Variants in NRG3 observed in about 807,000 individuals in gnomAD.
The protein encoded by NRG3 is neuregulin 3, also known as pro-neuregulin-3, membrane-bound isoform.
In NRG3, 31 loss-of-function variants were observed where a neutral mutation model predicts 66.9. That is an observed-to-expected ratio of 0.46 (90% CI 0.35 to 0.63). The LOEUF is 0.63. Ranked by LOEUF, NRG3 falls within the 20% of genes least tolerant of loss-of-function variation. The probability of loss-of-function intolerance (pLI) is 0.00; values close to 1 mark genes in which losing one functional copy is unlikely to be tolerated. For missense variants in NRG3, 910 were observed against 878.9 expected (o/e 1.04, Z -0.45); for synonymous variants, 393 against 359.4 (o/e 1.09, Z -1.06).
At chr10:82,570,948 C>A (rs1565082202) in intron 2 of NRG3, among the ~76,000 whole-genome samples, 1 of 151,608 alleles carries the variant, frequency 6.6e-6, no homozygotes, top group Non-Finnish European at 1.5e-5. Context: ...GTACTCAACA[C>A]ATTTTCAACT....
intron 4 of NRG3, among the ~76,000 whole-genome samples, chr10:82,922,748 G>A (rs150888350): frequency 4.0e-4 from 61 of 152,238 alleles, no homozygotes; most frequent in Non-Finnish European, 8.8e-5. Context: ...CAGAGGGCAT[G>A]TTACTTCTTT....
intron 1 of NRG3, among the ~76,000 whole-genome samples, chr10:82,290,832 A>G (rs1450783627): frequency 1.3e-5 from 2 of 148,768 alleles, no homozygotes; most frequent in Admixed American, 6.7e-5. Flanking sequence ...TTTAGTAGAG[A>G]CGGGGTTTCA....
intron 4 of NRG3, among the ~76,000 whole-genome samples, chr10:82,889,308 G>C (rs1208229990): frequency 6.6e-6 from 1 of 152,106 alleles, no homozygotes; most frequent in Non-Finnish European, 1.5e-5. Context: ...CGGATACCGG[G>C]TTTGAGAGAC....
chr10:82,408,277 A>G (rs1461839962), intron 2 of NRG3, among the ~76,000 whole-genome samples: 2 of 152,140 alleles, frequency 1.3e-5, no homozygotes, highest in African/African-American at 4.8e-5. Context: ...CAAAAAGAGT[A>G]TACATCGTGT....
At chr10:82,198,800 C>G (rs963240612) in intron 1 of NRG3, among the ~76,000 whole-genome samples, 50 of 152,000 alleles carry the variant, frequency 3.3e-4, no homozygotes, top group Admixed American at 3.2e-3. Flanking sequence ...AGTTCGAGAC[C>G]AGCCTGACCA....
chr10:82,906,628 A>C (rs1417222733), intron 4 of NRG3, among the ~76,000 whole-genome samples: 1 of 152,222 alleles, frequency 6.6e-6, no homozygotes, highest in Non-Finnish European at 1.5e-5. Context: ...ATTTAAATTA[A>C]AACATGTCCA....
intron 2 of NRG3, among the ~76,000 whole-genome samples, chr10:82,707,276 C>T (rs148083653): frequency 1.3e-5 from 2 of 148,152 alleles, no homozygotes; most frequent in Admixed American, 1.4e-4. Flanking sequence ...TCTAATGCCA[C>T]CACTGGCTGG....
intron 1 of NRG3, among the ~76,000 whole-genome samples, chr10:82,356,800 T>A (rs1192044894): frequency 6.6e-6 from 1 of 152,214 alleles, no homozygotes; most frequent in African/African-American, 2.4e-5. Context: ...AATGTTAAAT[T>A]ATACTTCACT....
At position 82,454,430 on chromosome 10, in the gene NRG3, A is replaced by G. The variant is rs185836434; in HGVS notation, c.953+95562A>G. On this transcript the variant is annotated intron_variant, in intron 2 of 8. Transcript: ENST00000372141. Reference sequence around the variant, plus strand: ...AAACAAAGAATGGAGAATATATGCTACACTCGTGTTCAAACAGTTAAAAAA... The same window carrying G: ...AAACAAAGAATGGAGAATATATGCTGCACTCGTGTTCAAACAGTTAAAAAA... Among the ~76,000 whole-genome samples the G allele has an allele frequency of 2.9e-3, 440 of 152,316 alleles. 2 individuals are homozygous for G. Among genetic ancestry groups the G allele is most frequent in the African/African-American group, 9.0e-3 (372 of 41,564 alleles).
At chr10:82,047,569 C>T (rs1466813169) in intron 1 of NRG3, among the ~76,000 whole-genome samples, 2 of 151,458 alleles carry the variant, frequency 1.3e-5, no homozygotes, top group African/African-American at 4.9e-5. Context: ...TTGTCACCAC[C>T]AGGCCTGCCC....
chr10:82,871,970 G>A (rs898928373), intron 4 of NRG3, among the ~76,000 whole-genome samples: 5 of 151,976 alleles, frequency 3.3e-5, no homozygotes, highest in African/African-American at 1.2e-4. Context: ...ATGAAAGGGG[G>A]CAACTTTGCC....
At chr10:82,939,720 C>T (rs548946680) in intron 4 of NRG3, among the ~76,000 whole-genome samples, 4 of 152,196 alleles carry the variant, frequency 2.6e-5, no homozygotes, top group Admixed American at 1.3e-4. Context: ...CCACCCGCCT[C>T]GGCCTCCCGA....
chr10:82,082,784 G>A (rs879395301), intron 1 of NRG3, among the ~76,000 whole-genome samples: 8 of 152,094 alleles, frequency 5.3e-5, no homozygotes, highest in Non-Finnish European at 1.2e-4. Context: ...TCTGGTTGGA[G>A]GCCCTGGGTC....
chr10:82,548,521 T>TCA lies in NRG3; in HGVS notation c.953+189654_953+189655insAC, dbSNP rs762454289. Among the ~76,000 whole-genome samples, 1,051 of 108,478 alleles carry TCA rather than the reference T, an allele frequency of 9.7e-3. 6 individuals are homozygous for TCA. The highest frequency in any genetic ancestry group is 0.013 in the Non-Finnish European group (702 of 54,296). 71.2% of individuals were successfully genotyped at this position (108,478 alleles called of 152,430 possible). A position where few individuals can be genotyped will look rare whatever the true frequency, so the allele number is the denominator to read the frequency against. ...ACAAAATACACAAATACATTCTGTC[T>TCA]CTCACACACACACACACACACACAC... On this transcript the variant is annotated intron_variant, in intron 2 of 8. Transcript: ENST00000372141.
At chr10:82,479,974 A>T (rs1842124686) in intron 2 of NRG3, among the ~76,000 whole-genome samples, 1 of 152,182 alleles carries the variant, frequency 6.6e-6, no homozygotes, top group African/African-American at 2.4e-5. Context: ...TCTCAAAAAC[A>T]AAAACAAAAA....
chr10:82,082,905 G>A (rs1306466095), intron 1 of NRG3, among the ~76,000 whole-genome samples: 1 of 151,706 alleles, frequency 6.6e-6, no homozygotes, highest in African/African-American at 2.4e-5. Context: ...TTATTAGTCT[G>A]AACATGACCA....
chr10:82,438,655 T>A (rs914090617), intron 2 of NRG3, among the ~76,000 whole-genome samples: 3 of 152,210 alleles, frequency 2.0e-5, no homozygotes, highest in African/African-American at 7.2e-5. Context: ...TGCTAGGCCC[T>A]TGGTGGCATG....
At chr10:82,948,516 ATC>A (rs1564656183) in intron 4 of NRG3, among the ~76,000 whole-genome samples, 1 of 152,106 alleles carries the variant, frequency 6.6e-6, no homozygotes, top group African/African-American at 2.4e-5. Context: ...CAATCTGTCT[ATC>A]ATCTTGGGGA....
At chr10:82,752,101 T>A (rs2058890036) in intron 3 of NRG3, among the ~76,000 whole-genome samples, 1 of 152,202 alleles carries the variant, frequency 6.6e-6, no homozygotes, top group Admixed American at 6.6e-5. Flanking sequence ...GTGGTTTTAG[T>A]ACACCTACTT....
Sources: allele counts gnomAD v4.1 joint callset (sites outside exome capture counted in the v4.1 genomes callset), GRCh38; gene constraint gnomAD v4.1.1; transcripts MANE v1.5; gene names NCBI Gene and HGNC (gene_info 2026-07-23, HGNC 2026-07-21).